The following TRIO variants were observed in gnomAD, a reference collection of about 807,000 sequenced individuals.
TRIO encodes the protein triple functional domain protein.
A neutral mutation model predicts 351.9 loss-of-function variants in TRIO; 58 were observed. The ratio of observed to expected loss-of-function variants is 0.16; its 90% CI spans 0.13 to 0.21. The LOEUF is 0.21. Ranked by LOEUF, TRIO falls within the 10% of genes least tolerant of loss-of-function variation. TRIO has a pLI of 1.00. For synonymous variants in TRIO, 1,758 were observed against 1,595.7 expected (o/e 1.10, Z -2.42); for missense variants, 3,201 against 4,027.8 (o/e 0.79, Z 5.56).
intron 1 of TRIO, among the ~76,000 whole-genome samples, chr5:14,152,755 C>T (rs952098953): frequency 1.3e-5 from 2 of 152,162 alleles, no homozygotes; most frequent in Non-Finnish European, 2.9e-5. Context: ...GCCTGGAGAA[C>T]GGGTGCTAAT....
At chr5:14,397,395 T>C (rs896379169) in intron 29 of TRIO, 2 of 410,852 alleles carry the variant, frequency 4.9e-6, no homozygotes, top group Non-Finnish European at 8.8e-6. Flanking sequence ...TGGACTCCAA[T>C]AGCACTTTGT....
chr5:14,348,611 T>A (rs1415466650), intron 11 of TRIO, among the ~76,000 whole-genome samples: 1 of 152,242 alleles, frequency 6.6e-6, no homozygotes, highest in Non-Finnish European at 1.5e-5. Flanking sequence ...GCATGTGTGC[T>A]TTTCCTGCAT....
Position 14,202,970 on chromosome 5 carries a change from A to G in TRIO, c.157+59088A>G, listed in dbSNP as rs1335803294. 2.6e-5 allele frequency among the ~76,000 whole-genome samples: 4 copies of G among 152,168 alleles called. No individual in the cohort carries two copies. The South Asian group carries it at 6.2e-4, about 24-fold the overall frequency. ...TTTATGCTTTTATTTATAATTTTTA[A>G]GATCCACTCAGTCAACCTACAGTCA... On this transcript the variant is annotated intron_variant, in intron 1 of 56. Coordinates refer to ENST00000344204, the MANE Select transcript of TRIO (RefSeq NM_007118.4).
intron 9 of TRIO, among the ~76,000 whole-genome samples, chr5:14,330,514 A>C (rs1447399082): frequency 6.6e-6 from 1 of 152,248 alleles, no homozygotes; most frequent in African/African-American, 2.4e-5. Context: ...TCATTATTGC[A>C]TGCAATGTTT....
In TRIO at chr5:14,147,901, A is replaced by G. The variant is rs10059083; in HGVS notation, c.157+4019A>G. 8.4e-4 allele frequency among the ~76,000 whole-genome samples: 128 copies of G among 152,360 alleles called. 2 individuals are homozygous for G. Among genetic ancestry groups the G allele is most frequent in the African/African-American group, 2.7e-3 (112 of 41,578 alleles). ...TTGTTACCCTCAATATTTCAAAAAT[A>G]GAAACTGAAGGAAATGTAATTTGAT... On this transcript the variant is annotated intron_variant, in intron 1 of 56. Transcript: ENST00000344204.
At chr5:14,249,132 G>A (rs1049589379) in intron 1 of TRIO, among the ~76,000 whole-genome samples, 1 of 152,236 alleles carries the variant, frequency 6.6e-6, no homozygotes, top group Admixed American at 6.5e-5. Flanking sequence ...TTTTTCAGAG[G>A]TAGATGCATG....
At chr5:14,167,736 G>A (rs1427215392) in intron 1 of TRIO, among the ~76,000 whole-genome samples, 1 of 152,110 alleles carries the variant, frequency 6.6e-6, no homozygotes, top group Non-Finnish European at 1.5e-5. Flanking sequence ...GGGCCTCTAA[G>A]GAGCTCTTGG....
At position 14,304,576 on chromosome 5, in the gene TRIO, C is replaced by G. The variant is rs755881570; in HGVS notation, c.1484C>G (p.Thr495Ser). 6.8e-6 allele frequency: 11 copies of G among 1,613,200 alleles called. No homozygotes were observed. The Admixed American group carries it at 1.7e-4, about 25-fold the overall frequency. ...CACCAGGGAATATATGAACATATCA[C>G]TCTTGCTTATTCTGAGGTAAGTGGC... ...HHHQGIYEHITLAYSEVSQDG... is the reference protein window; with the variant it reads ...HHHQGIYEHISLAYSEVSQDG... The change falls in exon 8 of 57, where the codon ACT becomes AGT. Residue 495 changes from threonine to serine, a missense_variant. Physicochemically the swap from Thr to Ser is moderately conservative, Grantham distance 58. Around this residue, in one of 19 missense-constraint regions of TRIO, gnomAD observed 349 missense variants for 449.3 expected, o/e 0.78. Coordinates refer to ENST00000344204, the MANE Select transcript of TRIO (RefSeq NM_007118.4).
chr5:14,329,339 G>A (rs1048249900), intron 9 of TRIO, among the ~76,000 whole-genome samples: 1 of 152,252 alleles, frequency 6.6e-6, no homozygotes, highest in Non-Finnish European at 1.5e-5. Context: ...TCCAGAAGAG[G>A]TGGGGCTTCC....
intron 31 of TRIO, among the ~76,000 whole-genome samples, chr5:14,401,801 C>A (rs78293583): frequency 2.6e-5 from 4 of 152,104 alleles, no homozygotes; most frequent in Non-Finnish European, 5.9e-5. Flanking sequence ...ATGCCATCAG[C>A]GGCTTTGGGA....
chr5:14,434,336 C>T (rs2152399677), intron 34 of TRIO, among the ~76,000 whole-genome samples: 1 of 152,180 alleles, frequency 6.6e-6, no homozygotes, highest in Non-Finnish European at 1.5e-5. Context: ...TTTCGATAAT[C>T]ATAAACCCCT....
chr5:14,496,945 C>T lies in TRIO; in HGVS notation c.7947C>T (p.Gly2649=). Residue 2649 remains glycine, a synonymous_variant, in exon 50 of 57, where the codon GGC becomes GGT. Coordinates refer to ENST00000344204, the MANE Select transcript of TRIO (RefSeq NM_007118.4). ...RKKSEKKDKD[G]KREGKLENGY... ...AATCTGAGAAAAAAGATAAAGACGG[C>T]AAAAGGGAAGGCAAGTTAGAGAACG... 1 of 1,614,104 alleles carries T rather than the reference C, an allele frequency of 6.2e-7. No individual in the cohort carries two copies. Among genetic ancestry groups the T allele is most frequent in the Non-Finnish European group, 8.5e-7 (1 of 1,180,020 alleles).
chr5:14,464,712 G>A (rs1324803174), intron 36 of TRIO, among the ~76,000 whole-genome samples: 3 of 152,304 alleles, frequency 2.0e-5, no homozygotes, highest in Non-Finnish European at 2.9e-5. Flanking sequence ...TGTGAGACAC[G>A]CATGGCCAGG....
In TRIO at chr5:14,244,104, G is replaced by A. The variant is rs146269039; in HGVS notation, c.158-26721G>A. 3.9e-4 allele frequency among the ~76,000 whole-genome samples: 59 copies of A among 152,296 alleles called. 1 individual carries two copies. In the East Asian group the frequency reaches 8.7e-3, roughly 22 times the overall value. ...TAAGGAAAGTAAAACATCATGGAAC[G>A]TTTTGAGGTCTTTGGGTAGCACACT... On this transcript the variant is annotated intron_variant, in intron 1 of 56. Transcript: ENST00000344204.
intron 8 of TRIO, among the ~76,000 whole-genome samples, chr5:14,313,904 A>G (rs1739147346): frequency 1.3e-5 from 2 of 152,206 alleles, no homozygotes; most frequent in Non-Finnish European, 2.9e-5. Flanking sequence ...AGGCTGGGAA[A>G]TGTGGCATTA....
intron 9 of TRIO, among the ~76,000 whole-genome samples, chr5:14,330,039 G>A (rs911335045): frequency 2.6e-5 from 4 of 152,130 alleles, no homozygotes; most frequent in African/African-American, 7.2e-5. Flanking sequence ...CATATTGTTC[G>A]CAGGTCAACT....
chr5:14,464,444 A>G (rs1754091214), intron 36 of TRIO, among the ~76,000 whole-genome samples: 1 of 152,180 alleles, frequency 6.6e-6, no homozygotes, highest in African/African-American at 2.4e-5. Flanking sequence ...CCCACACAGT[A>G]TATAATCTCG....
chr5:14,282,021 C>T (rs1486979120), intron 3 of TRIO, among the ~76,000 whole-genome samples: 1 of 152,166 alleles, frequency 6.6e-6, no homozygotes, highest in Non-Finnish European at 1.5e-5. Flanking sequence ...TGGCAATCAG[C>T]TTTTGGTCTT....
At chr5:14,242,812 T>C (rs1794206947) in intron 1 of TRIO, among the ~76,000 whole-genome samples, 1 of 152,218 alleles carries the variant, frequency 6.6e-6, no homozygotes, top group Admixed American at 6.5e-5. Flanking sequence ...TTTTGATCTA[T>C]TATTTGATTG....
Sources: gnomAD v4.1 joint callset for allele counts (sites outside exome capture counted in the v4.1 genomes callset) on GRCh38, gnomAD v4.1.1 for gene constraint, gnomAD v4.1.1 regional missense constraint, MANE v1.5 for transcripts, NCBI Gene and HGNC (gene_info 2026-07-23, HGNC 2026-07-21) for gene names.